Variants in KIF19 observed in about 807,000 individuals in gnomAD.
KIF19 encodes kinesin family member 19, also known as kinesin-like protein KIF19.
In KIF19, 98 loss-of-function variants were observed where a neutral mutation model predicts 106.6. The ratio of observed to expected loss-of-function variants is 0.92; its 90% CI spans 0.78 to 1.09. KIF19 has a LOEUF of 1.09. Ranked by LOEUF, KIF19 falls within the 50% of genes least tolerant of loss-of-function variation. KIF19 has a pLI of 0.00. For missense variants in KIF19, 1,373 were observed against 1,414.3 expected (o/e 0.97, Z 0.47); for synonymous variants, 516 against 584.2 (o/e 0.88, Z 1.68).
intron 4 of KIF19, 149 bp downstream of exon 4, chr17:74,342,866 A>G (rs533553190): frequency 8.3e-6 from 10 of 1,198,218 alleles, no homozygotes; most frequent in African/African-American, 4.5e-5. Context: ...AGAGGCCCCA[A>G]CCCGAGCCGG....
At chr17:74,341,839 C>G (rs2054381154) in intron 2 of KIF19, 37 bp from the exon 3 acceptor site, 4 of 1,496,694 alleles carry the variant, frequency 2.7e-6, no homozygotes, top group Non-Finnish European at 2.8e-6. Context: ...CCCGGGGTTC[C>G]CAGGTGACCG....
At chr17:74,327,674 T>G (rs1365710411) in intron 1 of KIF19, among the ~76,000 whole-genome samples, 4 of 152,122 alleles carry the variant, frequency 2.6e-5, no homozygotes, top group African/African-American at 7.2e-5. Flanking sequence ...TGTTTCGCCG[T>G]GTTGGCCAGG....
chr17:74,344,417 G>A (rs768718282), intron 6 of KIF19, 69 bp downstream of exon 6: 23 of 1,562,102 alleles, frequency 1.5e-5, no homozygotes, highest in Non-Finnish European at 1.8e-5. Context: ...GGAGGGGCGG[G>A]GACAGAAGCC....
At chr17:74,326,641 T>C (rs1016979852) in intron 1 of KIF19, among the ~76,000 whole-genome samples, 1 of 151,118 alleles carries the variant, frequency 6.6e-6, no homozygotes. Flanking sequence ...CACCCTCCCA[T>C]TGGGAGATCC....
Position 74,355,248 on chromosome 17 carries a change from G to T in KIF19, c.2933G>T (p.Arg978Leu). 6.2e-7 allele frequency: 1 copy of T among 1,612,712 alleles called. No homozygotes were observed. The highest frequency in any genetic ancestry group is 1.1e-5 in the South Asian group (1 of 91,032). ...GGTGGTGGTTCTCGACGGGCTACCCGTGGGCCCCGCCTGCCCCACGGCACA... is the reference window on the plus strand; with the variant it reads ...GGTGGTGGTTCTCGACGGGCTACCCTTGGGCCCCGCCTGCCCCACGGCACA... ...NPGGGSRRATRGPRLPHGTST... is the reference protein window; with the variant it reads ...NPGGGSRRATLGPRLPHGTST... The change falls in exon 20 of 20, where the codon CGT becomes CTT. Residue 978 changes from arginine (R) to leucine (L), a missense_variant. Physicochemically the swap from Arg to Leu is moderately radical, Grantham distance 102 (BLOSUM62 -2). Coordinates refer to ENST00000389916, the MANE Select transcript of KIF19 (RefSeq NM_153209.4).
chr17:74,355,115 T>G, intron 19 of KIF19, 67 bp from the exon 20 acceptor site: 2 of 1,551,008 alleles, frequency 1.3e-6, no homozygotes, highest in South Asian at 2.4e-5. Flanking sequence ...TCAAGGCCAC[T>G]GGGTGATGGG....
chr17:74,339,479 C>A (rs943722150), intron 2 of KIF19, among the ~76,000 whole-genome samples: 25 of 150,396 alleles, frequency 1.7e-4, no homozygotes, highest in Admixed American at 1.6e-3. Flanking sequence ...AAGAGGGGAC[C>A]GATGAGACAC....
In KIF19 at chr17:74,343,107, A is replaced by G; in HGVS notation, c.403A>G (p.Ile135Val). The change falls in exon 5 of 20, where the codon ATC becomes GTC. Residue 135 changes from isoleucine to valine, a missense_variant. Coordinates refer to ENST00000389916, the MANE Select transcript of KIF19 (RefSeq NM_153209.4). ...VQTLNDLFRA[I>V]EETSNDMEYE... ...GACCCTCAACGACCTCTTCCGTGCC[A>G]TCGAGGAGACCAGCAATGACATGGA... The G allele has an allele frequency of 2.5e-6, 4 of 1,613,132 alleles. No individual in the cohort carries two copies. Among genetic ancestry groups the G allele is most frequent in the Non-Finnish European group, 3.4e-6 (4 of 1,179,764 alleles).
chr17:74,333,341 T>A (rs2054142012), intron 2 of KIF19, among the ~76,000 whole-genome samples: 1 of 151,268 alleles, frequency 6.6e-6, no homozygotes, highest in Non-Finnish European at 1.5e-5. Flanking sequence ...GTGAATGGAA[T>A]CATGCAGTAT....
At chr17:74,334,199 T>C (rs532846158) in intron 2 of KIF19, among the ~76,000 whole-genome samples, 38 of 152,106 alleles carry the variant, frequency 2.5e-4, no homozygotes, top group African/African-American at 8.4e-4. Context: ...TATCCTTTCA[T>C]CAGTTGATGG....
Position 74,354,798 on chromosome 17 carries a change from C to T in KIF19, c.2723C>T (p.Thr908Ile). 1 of 1,558,508 alleles carries T rather than the reference C, an allele frequency of 6.4e-7. No individual in the cohort carries two copies. Among genetic ancestry groups the T allele is most frequent in the East Asian group, 2.4e-5 (1 of 41,250 alleles). Residue 908 changes from threonine (T) to isoleucine (I), a missense_variant, in exon 19 of 20, where the codon ACA becomes ATA. Thr to Ile is a moderately conservative substitution (Grantham distance 89, BLOSUM62 -1). Transcript: ENST00000389916. ...CCATCACAGCTCTCCCACCCCAAGACACACCTCCTGGGGCCCCATCAGGCG... is the reference window on the plus strand; with the variant it reads ...CCATCACAGCTCTCCCACCCCAAGATACACCTCCTGGGGCCCCATCAGGCG... ...VTGQGLSHPKTHLLGPHQAER... is the reference protein window; with the variant it reads ...VTGQGLSHPKIHLLGPHQAER...
Position 74,349,214 on chromosome 17 carries a change from C to T in KIF19, c.1078C>T (p.His360Tyr), listed in dbSNP as rs370407672. 4.3e-6 allele frequency: 7 copies of T among 1,613,842 alleles called. No homozygotes were observed. The highest frequency in any genetic ancestry group is 3.3e-5 in the Admixed American group (2 of 60,016). ...VKQNLLNVSY[H>Y]IAQYTSIIAD... is the part of the protein sequence containing the mutation. The stretch of plus-strand genomic sequence containing the variant: ...GCAGAACCTCCTGAACGTCTCCTAC[C>T]ACATCGCCCAGTACACCAGCATCAT... The change falls in exon 10 of 20, where the codon CAC becomes TAC. Residue 360 changes from histidine (H) to tyrosine (Y), a missense_variant. By Grantham distance (83) the His-to-Tyr change is moderately conservative (BLOSUM62 2). This residue lies in a region of KIF19 where 1,020 missense variants were observed against 1,008.2 expected (regional missense o/e 1.01). Transcript: ENST00000389916.
At chr17:74,336,599 G>A (rs749619955) in intron 2 of KIF19, among the ~76,000 whole-genome samples, 2 of 152,022 alleles carry the variant, frequency 1.3e-5, no homozygotes, top group African/African-American at 2.4e-5. Flanking sequence ...GAAATCTCGG[G>A]GGGACACAGT....
At chr17:74,348,893 G>A (rs1268200397) in intron 9 of KIF19, 1 of 447,584 alleles carries the variant, frequency 2.2e-6, no homozygotes, top group African/African-American at 2.0e-5. Context: ...CAACTGGAGT[G>A]GGATGTTCAT....
rs374452365 is a variant in KIF19 at position 74,350,502 on chromosome 17, C to A, written c.1315C>A (p.Arg439Ser). Reference sequence around the variant, plus strand: ...CCAGGAGCAGATGGATGTGCGGAGGCGCCTGCTGGAGCTGGAGAACCGCGC... The same window carrying A: ...CCAGGAGCAGATGGATGTGCGGAGGAGCCTGCTGGAGCTGGAGAACCGCGC... ...AFQEQMDVRR[R>S]LLELENRAME... Residue 439 changes from arginine (R) to serine (S), a missense_variant, in exon 11 of 20, where the codon CGC becomes AGC. Around this residue, in one of 3 missense-constraint regions of KIF19, gnomAD observed 1,020 missense variants for 1,008.2 expected, o/e 1.01. Coordinates refer to ENST00000389916, the MANE Select transcript of KIF19 (RefSeq NM_153209.4). 3.1e-6 allele frequency: 5 copies of A among 1,612,540 alleles called. No individual in the cohort carries two copies. Among genetic ancestry groups the A allele is most frequent in the Non-Finnish European group, 4.2e-6 (5 of 1,179,776 alleles).
intron 3 of KIF19, 36 bp from the exon 4 acceptor site, chr17:74,342,594 T>G (rs773399909): frequency 2.6e-6 from 4 of 1,555,450 alleles, no homozygotes; most frequent in African/African-American, 1.4e-5. Flanking sequence ...GTGCCCCGCC[T>G]GTGTCCCGGC....
In KIF19 at chr17:74,346,314, G is replaced by T. The variant is rs2054528884; in HGVS notation, c.778-64G>T. On this transcript the variant is annotated intron_variant, in intron 7 of 19. Coordinates refer to ENST00000389916, the MANE Select transcript of KIF19 (RefSeq NM_153209.4). The surrounding 1 kb of genome is among the most constrained non-coding windows in gnomAD (Gnocchi z 4.6). ...CACCAGGTCATTCATTGGTGGGGTG[G>T]CTGGGGAGAAACCCAGTCCCCTGCC... is the stretch of plus-strand genomic sequence containing the variant. 1 of 1,506,298 alleles carries T rather than the reference G, an allele frequency of 6.6e-7. No homozygotes were observed. Among genetic ancestry groups the T allele is most frequent in the African/African-American group, 1.4e-5 (1 of 72,100 alleles). The allele number at this position is 1,506,298 out of a possible 1,614,324, so 93.3% of individuals were successfully genotyped here.
chr17:74,336,228 C>G (rs1269264599), intron 2 of KIF19, among the ~76,000 whole-genome samples: 1 of 152,142 alleles, frequency 6.6e-6, no homozygotes, highest in African/African-American at 2.4e-5. Flanking sequence ...ACCACCACAC[C>G]CAGCTAATTC....
In KIF19 at chr17:74,355,618, A is replaced by C; in HGVS notation, c.*306A>C. The C allele has an allele frequency of 3.8e-6, 1 of 263,676 alleles. No homozygotes were observed. Among genetic ancestry groups the C allele is most frequent in the Non-Finnish European group, 6.7e-6 (1 of 148,702 alleles). The allele number at this position is 263,676 out of a possible 1,614,324, so 16.3% of individuals were successfully genotyped here. A position where few individuals can be genotyped will look rare whatever the true frequency, so the allele number is the denominator to read the frequency against. ...CCTGAGGCCAGCCTCGGCCTTGGTA[A>C]CGGAGGAAAGCAGCTGACAGTGAGA... On this transcript the variant is annotated 3_prime_UTR_variant, in exon 20 of 20. Coordinates refer to ENST00000389916, the MANE Select transcript of KIF19 (RefSeq NM_153209.4).
Sources: allele counts gnomAD v4.1 joint callset (sites outside exome capture counted in the v4.1 genomes callset), GRCh38; gene constraint gnomAD v4.1.1; regional missense constraint gnomAD v4.1.1; non-coding constraint Gnocchi (gnomAD v3.1); transcripts MANE v1.5; gene names NCBI Gene and HGNC (gene_info 2026-07-23, HGNC 2026-07-21).